The following TTC28 variants were observed in gnomAD, a reference collection of about 807,000 sequenced individuals.
TTC28 encodes tetratricopeptide repeat protein 28.
In TTC28, 61 loss-of-function variants were observed where a neutral mutation model predicts 198.0. The observed-to-expected ratio is 0.31, with a 90% CI of 0.25 to 0.38. The LOEUF (loss-of-function observed/expected upper bound fraction) is 0.38. Ranked by LOEUF, TTC28 falls within the 10% of genes least tolerant of loss-of-function variation. TTC28 has a pLI of 1.00. For synonymous variants in TTC28, 1,171 were observed against 1,297.8 expected, an observed-to-expected ratio of 0.90 and a Z score of 2.10; for missense variants, 2,678 against 3,164.0, an observed-to-expected ratio of 0.85 and a Z score of 3.69.
intron 5 of TTC28, among the ~76,000 whole-genome samples, chr22:28,189,274 GA>G (rs1171858740): frequency 2.0e-5 from 3 of 152,038 alleles, no homozygotes; most frequent in African/African-American, 7.2e-5. Flanking sequence ...GGAACATTCA[GA>G]AAACAAGACA....
intron 5 of TTC28, among the ~76,000 whole-genome samples, chr22:28,166,088 C>T (rs1921903355): frequency 1.3e-5 from 2 of 152,108 alleles, no homozygotes; most frequent in South Asian, 2.1e-4. Flanking sequence ...AAGAAGGCCA[C>T]TACTTAATGG....
chr22:28,011,652 G>A (rs1029059063), intron 14 of TTC28, among the ~76,000 whole-genome samples: 5 of 152,126 alleles, frequency 3.3e-5, no homozygotes, highest in African/African-American at 4.8e-5. Flanking sequence ...AGGAACCCAT[G>A]GATATGGAGG....
At chr22:28,506,704 A>C (rs1216504782) in intron 2 of TTC28, among the ~76,000 whole-genome samples, 1 of 152,246 alleles carries the variant, frequency 6.6e-6, no homozygotes, top group Non-Finnish European at 1.5e-5. Context: ...ATTCAGAAGA[A>C]GGAGCAGGCT....
chr22:28,066,275 CGTGTGTGTGTGT>C (rs796325170), intron 12 of TTC28, among the ~76,000 whole-genome samples: 1,367 of 135,686 alleles, frequency 0.01, 17 homozygotes, highest in African/African-American at 0.033. Flanking sequence ...ACCTAGTTAC[CGTGTGTGTGTGT>C]GTGTGTGTGT....
In TTC28 at chr22:28,595,317, GTCAGTAACTAATCAGCAAAGTGCC is replaced by G. The variant is rs1199000181; in HGVS notation, c.381+34211_381+34234del. On this transcript the variant is annotated intron_variant, in intron 2 of 22. Coordinates refer to ENST00000397906, the MANE Select transcript of TTC28 (RefSeq NM_001145418.2). ...TAAAGTATTAGAAAGTCAAGAATTG[GTCAGTAACTAATCAGCAAAGTGCC>G]TCAGGAGAATGGTTTAATGTAAAAT... 3.9e-5 allele frequency among the ~76,000 whole-genome samples: 6 copies of G among 152,268 alleles called. No individual in the cohort carries two copies. In the Middle Eastern group the frequency reaches 0.014, roughly 345 times the overall value.
chr22:28,098,040 G>C (rs576677102), intron 10 of TTC28, among the ~76,000 whole-genome samples: 1 of 152,210 alleles, frequency 6.6e-6, no homozygotes, highest in Non-Finnish European at 1.5e-5. Flanking sequence ...CAAAGCCTTT[G>C]TTAGTTCCAA....
intron 5 of TTC28, among the ~76,000 whole-genome samples, chr22:28,266,054 C>A (rs1309580229): frequency 6.6e-6 from 1 of 151,822 alleles, no homozygotes; most frequent in East Asian, 1.9e-4. Flanking sequence ...GTGGCGTGCA[C>A]CTGTAATCCC....
intron 2 of TTC28, among the ~76,000 whole-genome samples, chr22:28,314,686 G>C (rs1165213186): frequency 1.3e-5 from 2 of 152,018 alleles, no homozygotes; most frequent in African/African-American, 2.4e-5. Flanking sequence ...CATCTTACCA[G>C]CCACCCTCCC....
chr22:28,560,016 A>G (rs189699198), intron 2 of TTC28, among the ~76,000 whole-genome samples: 91 of 152,264 alleles, frequency 6.0e-4, no homozygotes, highest in African/African-American at 2.1e-3. Context: ...TCTAAAACAG[A>G]ACTCTTGGCT....
intron 12 of TTC28, among the ~76,000 whole-genome samples, chr22:28,079,423 A>T (rs1374295300): frequency 6.6e-6 from 1 of 152,144 alleles, no homozygotes; most frequent in African/African-American, 2.4e-5. Context: ...GGTAGTGTTA[A>T]CTATATGTAT....
intron 1 of TTC28, among the ~76,000 whole-genome samples, chr22:28,632,330 T>C (rs1334458452): frequency 7.4e-6 from 1 of 134,766 alleles, no homozygotes; most frequent in Non-Finnish European, 1.5e-5. Context: ...TGCAATGGCA[T>C]GATCTCGACT....
At chr22:28,249,682 T>C (rs1404682771) in intron 5 of TTC28, among the ~76,000 whole-genome samples, 2 of 151,916 alleles carry the variant, frequency 1.3e-5, no homozygotes, top group Admixed American at 6.6e-5. Context: ...CACTTCCCCC[T>C]GAGGCAGGGT....
chr22:28,148,393 C>T (rs1601385616), intron 6 of TTC28, among the ~76,000 whole-genome samples: 1 of 152,270 alleles, frequency 6.6e-6, no homozygotes, highest in East Asian at 1.9e-4. Flanking sequence ...GCAGGCAGAT[C>T]ACGAAGTCAG....
rs542288443 is a variant in TTC28 at position 28,379,902 on chromosome 22, A to T, written c.382-73259T>A. On this transcript the variant is annotated intron_variant, in intron 2 of 22. Transcript: ENST00000397906. Reference sequence around the variant, plus strand: ...CAAAATCATGTATCAGAAGTGACTTAAGGAGATAGGACAATTAAATGCAAT... The same window carrying T: ...CAAAATCATGTATCAGAAGTGACTTTAGGAGATAGGACAATTAAATGCAAT... 2.1e-3 allele frequency among the ~76,000 whole-genome samples: 325 copies of T among 152,192 alleles called. 1 individual carries two copies. The highest frequency in any genetic ancestry group is 3.2e-3 in the Non-Finnish European group (216 of 67,958).
chr22:28,032,205 A>AATATATATATATAAAAT (rs1332522959), intron 12 of TTC28, among the ~76,000 whole-genome samples: 17 of 100,804 alleles, frequency 1.7e-4, no homozygotes, highest in Non-Finnish European at 3.4e-4. Context: ...ATATATATAA[A>AATATATATATATAAAAT]ATATATATAT....
Position 27,990,026 on chromosome 22 carries a change from C to T in TTC28, c.5578-19G>A, listed in dbSNP as rs919411486. On this transcript the variant is annotated intron_variant, in intron 20 of 22. Coordinates refer to ENST00000397906, the MANE Select transcript of TTC28 (RefSeq NM_001145418.2). ...GGTGGAGCTGAGGAAGGGGGGACAG[C>T]GTGAGCACCCTGTGTCTCCTTCCCC... 1.2e-5 allele frequency: 19 copies of T among 1,545,472 alleles called. No homozygotes were observed. Among genetic ancestry groups the T allele is most frequent in the Middle Eastern group, 3.4e-4 (2 of 5,954 alleles).
intron 2 of TTC28, among the ~76,000 whole-genome samples, chr22:28,526,077 TACGGG>T (rs2048998653): frequency 6.6e-6 from 1 of 152,210 alleles, no homozygotes; most frequent in African/African-American, 2.4e-5. Flanking sequence ...TGTCTGTAAG[TACGGG>T]ACGGGGCTGT....
chr22:28,280,593 C>T (rs2044565985), intron 5 of TTC28, among the ~76,000 whole-genome samples: 1 of 152,160 alleles, frequency 6.6e-6, no homozygotes. Flanking sequence ...CTGCCTCGGC[C>T]TCCCAGAGTG....
chr22:28,488,176 G>A (rs921899545), intron 2 of TTC28, among the ~76,000 whole-genome samples: 7 of 151,902 alleles, frequency 4.6e-5, no homozygotes, highest in African/African-American at 9.7e-5. Context: ...GATACCAACC[G>A]GACCACCAGA....
Sources: gnomAD v4.1 joint callset for allele counts (sites outside exome capture counted in the v4.1 genomes callset) on GRCh38, gnomAD v4.1.1 for gene constraint, MANE v1.5 for transcripts, NCBI Gene and HGNC (gene_info 2026-07-23, HGNC 2026-07-21) for gene names.